The following WASF1 variants were observed in gnomAD, a reference collection of about 807,000 sequenced individuals.
The protein encoded by WASF1 is WASP family member 1, also known as actin-binding protein WASF1.
A neutral mutation model predicts 50.5 loss-of-function variants in WASF1; 7 were observed. That is an observed-to-expected ratio of 0.14 (90% CI 0.08 to 0.26). WASF1 has a LOEUF of 0.26. Ranked by LOEUF, WASF1 falls within the 10% of genes least tolerant of loss-of-function variation. WASF1 has a pLI of 1.00. For missense variants in WASF1, 470 were observed against 694.7 expected, an observed-to-expected ratio of 0.68 and a Z score of 3.64; for synonymous variants, 205 against 244.0, an observed-to-expected ratio of 0.84 and a Z score of 1.49.
intron 3 of WASF1, among the ~76,000 whole-genome samples, chr6:110,155,027 G>A (rs1404410757): frequency 6.6e-6 from 1 of 152,064 alleles, no homozygotes; most frequent in African/African-American, 2.4e-5. Flanking sequence ...ACTTCTGAAA[G>A]AGATACCTTC....
intron 3 of WASF1, among the ~76,000 whole-genome samples, chr6:110,151,539 T>G (rs892658586): frequency 6.6e-6 from 1 of 152,194 alleles, no homozygotes; most frequent in Non-Finnish European, 1.5e-5. Flanking sequence ...CCAAGATTGG[T>G]CTAAACAATA....
At chr6:110,164,007 C>T (rs188841593) in intron 2 of WASF1, among the ~76,000 whole-genome samples, 2 of 151,538 alleles carry the variant, frequency 1.3e-5, no homozygotes, top group East Asian at 3.9e-4. Flanking sequence ...CGTCCACATG[C>T]AAAAAACTGA....
intron 7 of WASF1, 132 bp from the exon 8 acceptor site, chr6:110,105,711 A>ATTT: frequency 3.5e-6 from 3 of 849,690 alleles, no homozygotes; most frequent in Non-Finnish European, 5.4e-6. Context: ...TAAAAGTAAC[A>ATTT]CAGAAATGGT....
chr6:110,126,688 T>C (rs1774432969), intron 4 of WASF1, among the ~76,000 whole-genome samples: 2 of 152,344 alleles, frequency 1.3e-5, no homozygotes, highest in East Asian at 1.9e-4. Context: ...GAAATATCAA[T>C]GTCTTATGAA....
chr6:110,152,359 C>A (rs1366158690), intron 3 of WASF1, among the ~76,000 whole-genome samples: 2 of 152,042 alleles, frequency 1.3e-5, no homozygotes, highest in African/African-American at 4.8e-5. Context: ...ATATTAAATC[C>A]AACAAAAACT....
intron 3 of WASF1, among the ~76,000 whole-genome samples, chr6:110,146,861 C>G (rs1775587496): frequency 6.6e-6 from 1 of 152,028 alleles, no homozygotes; most frequent in African/African-American, 2.4e-5. Context: ...TTTAAAACTA[C>G]TCACTACTCA....
chr6:110,136,329 G>C (rs1774967545), intron 3 of WASF1, among the ~76,000 whole-genome samples: 4 of 152,076 alleles, frequency 2.6e-5, no homozygotes, highest in Admixed American at 2.6e-4. Flanking sequence ...GTCCAAAATA[G>C]TCAATTTTTG....
intron 10 of WASF1, 95 bp from the exon 11 acceptor site, chr6:110,100,774 A>C: frequency 8.0e-7 from 1 of 1,247,190 alleles, no homozygotes. Context: ...CACATGAGAA[A>C]TACTTATAGG....
At chr6:110,108,137 C>CAA (rs369773397) in intron 6 of WASF1, among the ~76,000 whole-genome samples, 4,070 of 49,054 alleles carry the variant, frequency 0.083, 518 homozygotes, top group African/African-American at 0.15. Flanking sequence ...GACTCCGCCT[C>CAA]AAAAAAAAAA....
intron 5 of WASF1, among the ~76,000 whole-genome samples, chr6:110,110,155 AATTTC>A (rs1298808648): frequency 3.9e-5 from 6 of 152,262 alleles, no homozygotes; most frequent in African/African-American, 1.2e-4. Context: ...GGTTTCACTA[AATTTC>A]ATTTCATTTA....
rs149855402 is a variant in WASF1, at chr6:110,146,273, A to C, written c.-29+14362T>G. ...ATTTCAATATTTCAAATATGTTAAG[A>C]ATTTTGGGTAGGGCAAATACTTATT... On this transcript the variant is annotated intron_variant, in intron 3 of 10. Coordinates refer to ENST00000392589, the MANE Select transcript of WASF1 (RefSeq NM_003931.3). Among the ~76,000 whole-genome samples, 717 of 152,298 alleles carry C rather than the reference A, an allele frequency of 4.7e-3. 8 individuals are homozygous for C. The highest frequency in any genetic ancestry group is 7.6e-3 in the Non-Finnish European group (519 of 68,020).
At position 110,105,377 on chromosome 6, in the gene WASF1, AT is replaced by A. The variant is rs778569763; in HGVS notation, c.713+29del. ...CTACAAATAAAGCCAATGTTTTATCATTTAAAAAAAAAAACAAAAGTAAAGA... is the reference window on the plus strand; with the variant it reads ...CTACAAATAAAGCCAATGTTTTATCATTAAAAAAAAAAACAAAAGTAAAGA... On this transcript the variant is annotated intron_variant, in intron 8 of 10. Coordinates refer to ENST00000392589, the MANE Select transcript of WASF1 (RefSeq NM_003931.3). The A allele has an allele frequency of 2.8e-4, 434 of 1,572,052 alleles. 1 individual carries two copies. The highest frequency in any genetic ancestry group is 2.2e-3 in the Admixed American group (114 of 51,390).
chr6:110,152,751 G>A (rs968377701), intron 3 of WASF1, among the ~76,000 whole-genome samples: 1 of 152,174 alleles, frequency 6.6e-6, no homozygotes, highest in African/African-American at 2.4e-5. Context: ...GTTTTAGCCT[G>A]CTAAATGTGT....
At chr6:110,119,557 C>T (rs757198899) in intron 4 of WASF1, among the ~76,000 whole-genome samples, 47 of 152,008 alleles carry the variant, frequency 3.1e-4, no homozygotes, top group Admixed American at 6.6e-4. Flanking sequence ...AATAGCCTAC[C>T]AACCAAAAAA....
chr6:110,101,743 T>C lies in WASF1; in HGVS notation c.1367A>G (p.His456Arg). Residue 456 changes from histidine (H) to arginine (R), a missense_variant, in exon 10 of 11, where the codon CAT becomes CGT. By Grantham distance (29) the His-to-Arg change is conservative. Coordinates refer to ENST00000392589, the MANE Select transcript of WASF1 (RefSeq NM_003931.3). ...ACCTGGGGCAGTAGATGGAGTTGGA[T>C]GTAGCCCAGAGGGAGGATGAGCAAG... ...TALAHPPSGL[H>R]PTPSTAPGPH... 1 of 1,614,000 alleles carries C rather than the reference T, an allele frequency of 6.2e-7. No individual in the cohort carries two copies. The highest frequency in any genetic ancestry group is 8.5e-7 in the Non-Finnish European group (1 of 1,179,970).
chr6:110,113,220 G>C (rs1322854743), intron 5 of WASF1, 106 bp downstream of exon 5: 2 of 993,040 alleles, frequency 2.0e-6, no homozygotes, highest in Non-Finnish European at 2.7e-6. Context: ...CAAAGGACAT[G>C]GGTATGATCT....
chr6:110,147,352 A>G (rs1415218357), intron 3 of WASF1, among the ~76,000 whole-genome samples: 1 of 152,056 alleles, frequency 6.6e-6, no homozygotes, highest in Non-Finnish European at 1.5e-5. Flanking sequence ...TCTCAAAAAA[A>G]AAAAAAAAAA....
Position 110,105,581 on chromosome 6 carries a change from T to C in WASF1, c.541-2A>G, listed in dbSNP as rs768441035. On this transcript the variant is annotated splice_acceptor_variant, in intron 7 of 10. Transcript: ENST00000392589. LOFTEE classifies it high-confidence loss of function. Reference sequence around the variant, plus strand: ...ATGAGGACGATCTAGATTTTTCTGCTATAACAGATGTATTGAAACAAAGTC... The same window carrying C: ...ATGAGGACGATCTAGATTTTTCTGCCATAACAGATGTATTGAAACAAAGTC... 1 of 1,611,932 alleles carries C rather than the reference T, an allele frequency of 6.2e-7. No homozygotes were observed. The highest frequency in any genetic ancestry group is 8.5e-7 in the Non-Finnish European group (1 of 1,179,366).
intron 4 of WASF1, among the ~76,000 whole-genome samples, chr6:110,124,241 T>TCCTTC (rs1562170325): frequency 6.1e-5 from 2 of 32,748 alleles, no homozygotes; most frequent in East Asian, 1.4e-3. Flanking sequence ...CTCTCCTCTC[T>TCCTTC]CTCTCTCTCT....
Sources: gnomAD v4.1 joint callset for allele counts (sites outside exome capture counted in the v4.1 genomes callset) on GRCh38, gnomAD v4.1.1 for gene constraint, MANE v1.5 for transcripts, NCBI Gene and HGNC (gene_info 2026-07-23, HGNC 2026-07-21) for gene names.